Variants in ANKIB1 observed in about 807,000 individuals in gnomAD.
ANKIB1 encodes the protein ankyrin repeat and IBR domain-containing protein 1.
Under a neutral mutation model 122.1 loss-of-function variants are expected in ANKIB1, and 43 were observed. That is an observed-to-expected ratio of 0.35 (90% CI 0.28 to 0.45). ANKIB1 has a LOEUF of 0.45. ANKIB1 is among the 20% of genes least tolerant of loss of function. The pLI is 1.00. For synonymous variants in ANKIB1, 390 were observed against 442.0 expected (o/e 0.88, Z 1.48); for missense variants, 992 against 1,329.5 (o/e 0.75, Z 3.95).
At chr7:92,351,795 A>G (rs1457962062) in intron 8 of ANKIB1, among the ~76,000 whole-genome samples, 1 of 140,196 alleles carries the variant, frequency 7.1e-6, no homozygotes, top group Non-Finnish European at 1.5e-5. Context: ...GTCTCAGCTC[A>G]CTGCAACCTC....
At chr7:92,356,508 G>A (rs1385122024) in intron 9 of ANKIB1, among the ~76,000 whole-genome samples, 1 of 152,188 alleles carries the variant, frequency 6.6e-6, no homozygotes, top group African/African-American at 2.4e-5. Context: ...ACTCTCTGCA[G>A]AGTAGCACAT....
chr7:92,287,480 T>A (rs945377244), intron 1 of ANKIB1, among the ~76,000 whole-genome samples: 3 of 152,256 alleles, frequency 2.0e-5, no homozygotes, highest in African/African-American at 7.2e-5. Flanking sequence ...ACAGAACTTA[T>A]GTGCCTTTTT....
intron 1 of ANKIB1, among the ~76,000 whole-genome samples, chr7:92,248,603 A>G (rs3928926): frequency 6.6e-6 from 1 of 152,268 alleles, no homozygotes; most frequent in East Asian, 1.9e-4. Context: ...TTTTTCCCCC[A>G]TTGAGGATGC....
intron 1 of ANKIB1, among the ~76,000 whole-genome samples, chr7:92,288,324 A>G (rs1802178267): frequency 1.3e-5 from 2 of 152,368 alleles, no homozygotes; most frequent in South Asian, 2.1e-4. Flanking sequence ...GATGCAAACT[A>G]CAAAACTCTC....
chr7:92,342,006 T>C (rs2131974681), intron 5 of ANKIB1, among the ~76,000 whole-genome samples: 1 of 152,262 alleles, frequency 6.6e-6, no homozygotes, highest in African/African-American at 2.4e-5. Flanking sequence ...CATGTCAAAG[T>C]CATATTTATC....
Position 92,398,999 on chromosome 7 carries a change from A to C in ANKIB1, c.*50A>C. 6.7e-7 allele frequency: 1 copy of C among 1,494,370 alleles called. No individual in the cohort carries two copies. Among genetic ancestry groups the C allele is most frequent in the Non-Finnish European group, 8.9e-7 (1 of 1,121,676 alleles). 92.6% of individuals were successfully genotyped at this position (1,494,370 alleles called of 1,614,324 possible). A position where few individuals can be genotyped will look rare whatever the true frequency, so the allele number is the denominator to read the frequency against. Reference sequence around the variant, plus strand: ...GAATTACAGGTACAGATGGTATGCTAGGTGGAGTATGCTTGATAGAGACTT... The same window carrying C: ...GAATTACAGGTACAGATGGTATGCTCGGTGGAGTATGCTTGATAGAGACTT... On this transcript the variant is annotated 3_prime_UTR_variant, in exon 20 of 20. Coordinates refer to ENST00000265742, the MANE Select transcript of ANKIB1 (RefSeq NM_019004.2).
chr7:92,389,957 C>G lies in ANKIB1; in HGVS notation c.1907-14C>G, dbSNP rs751056474. On this transcript the variant is annotated splice_polypyrimidine_tract_variant and intron_variant, in intron 14 of 19. Coordinates refer to ENST00000265742, the MANE Select transcript of ANKIB1 (RefSeq NM_019004.2). ...TTGCAAAAACAAATTCACTGTGCCT[C>G]AATTACTTTTTAGCTGAAGGAGGCT... is the stretch of plus-strand genomic sequence containing the variant. 2.5e-6 allele frequency: 4 copies of G among 1,575,300 alleles called. No homozygotes were observed. Among genetic ancestry groups the G allele is most frequent in the Non-Finnish European group, 3.4e-6 (4 of 1,168,188 alleles).
At chr7:92,249,701 C>T (rs772122242) in intron 1 of ANKIB1, among the ~76,000 whole-genome samples, 1 of 151,346 alleles carries the variant, frequency 6.6e-6, no homozygotes, top group Non-Finnish European at 1.5e-5. Flanking sequence ...GCCTGGGTGA[C>T]AGGGTGAGAC....
intron 8 of ANKIB1, 27 bp downstream of exon 8, chr7:92,351,121 C>G: frequency 7.0e-7 from 1 of 1,434,714 alleles, no homozygotes; most frequent in Middle Eastern, 1.8e-4. Context: ...ATTATCTGTC[C>G]AATTTCCATA....
At chr7:92,274,000 T>C (rs941103007) in intron 1 of ANKIB1, among the ~76,000 whole-genome samples, 9 of 152,064 alleles carry the variant, frequency 5.9e-5, no homozygotes, top group African/African-American at 2.2e-4. Context: ...CTTGAACCCT[T>C]GGGCTCAAGC....
chr7:92,268,982 C>T (rs1352796499), intron 1 of ANKIB1, among the ~76,000 whole-genome samples: 1 of 152,196 alleles, frequency 6.6e-6, no homozygotes, highest in African/African-American at 2.4e-5. Context: ...ATAAATTATT[C>T]ATCATGAGAA....
intron 18 of ANKIB1, 31 bp from the exon 19 acceptor site, chr7:92,397,692 A>G: frequency 6.2e-7 from 1 of 1,605,850 alleles, no homozygotes; most frequent in Non-Finnish European, 8.5e-7. Context: ...TTGTCACTAA[A>G]TTGTCTTTGG....
At chr7:92,289,982 A>G (rs1471559635) in intron 1 of ANKIB1, among the ~76,000 whole-genome samples, 1 of 151,950 alleles carries the variant, frequency 6.6e-6, no homozygotes, top group Non-Finnish European at 1.5e-5. Context: ...ACACCTGGCT[A>G]ATTTTTGTAT....
chr7:92,252,499 G>A (rs1801348237), intron 1 of ANKIB1, among the ~76,000 whole-genome samples: 1 of 149,956 alleles, frequency 6.7e-6, no homozygotes, highest in African/African-American at 2.5e-5. Flanking sequence ...CAATTCTCCT[G>A]CCTCAGCCTC....
chr7:92,338,374 G>A (rs1343991588), intron 5 of ANKIB1, among the ~76,000 whole-genome samples: 2 of 151,356 alleles, frequency 1.3e-5, no homozygotes, highest in Non-Finnish European at 2.9e-5. Context: ...GCCATTGATC[G>A]CCCCACTGCA....
chr7:92,293,100 T>C (rs894452791), intron 1 of ANKIB1, among the ~76,000 whole-genome samples: 1 of 152,208 alleles, frequency 6.6e-6, no homozygotes, highest in African/African-American at 2.4e-5. Context: ...GGCAGACATC[T>C]TACTCTGATA....
chr7:92,391,033 A>T, intron 15 of ANKIB1, 133 bp from the exon 16 acceptor site: 1 of 568,954 alleles, frequency 1.8e-6, no homozygotes, highest in Non-Finnish European at 2.8e-6. Context: ...TTACATAGGA[A>T]GTTATTTCAA....
intron 2 of ANKIB1, among the ~76,000 whole-genome samples, chr7:92,304,184 T>G (rs1331734698): frequency 6.6e-6 from 1 of 152,144 alleles, no homozygotes; most frequent in African/African-American, 2.4e-5. Context: ...AGGAAGAGTC[T>G]CCTTTGAATT....
Position 92,301,973 on chromosome 7 carries a change from G to T in ANKIB1, c.189-5386G>T, listed in dbSNP as rs549644434. ...TTTTTTTGAGACGGAGTCTCATTTT[G>T]TCACCCAGGCTGGAGTGCAGTGGTG... On this transcript the variant is annotated intron_variant, in intron 2 of 19. Transcript: ENST00000265742. Among the ~76,000 whole-genome samples, 7 of 150,402 alleles carry T rather than the reference G, an allele frequency of 4.7e-5. No individual in the cohort carries two copies. The East Asian group carries it at 1.2e-3, about 25-fold the overall frequency.
Sources: gnomAD v4.1 joint callset for allele counts (sites outside exome capture counted in the v4.1 genomes callset) on GRCh38, gnomAD v4.1.1 for gene constraint, MANE v1.5 for transcripts, NCBI Gene and HGNC (gene_info 2026-07-23, HGNC 2026-07-21) for gene names.